Variants in LRP1B observed in about 807,000 individuals in gnomAD.
The protein encoded by LRP1B is LDL receptor related protein 1B.
Under a neutral mutation model 556.6 loss-of-function variants are expected in LRP1B, and 217 were observed. The ratio of observed to expected loss-of-function variants is 0.39; its 90% CI spans 0.35 to 0.44. The LOEUF (loss-of-function observed/expected upper bound fraction) is 0.44. Among genes scored for constraint, LRP1B ranks in the 20% least tolerant of loss-of-function variants. LRP1B has a pLI of 1.00. For synonymous variants in LRP1B, 2,047 were observed against 1,865.8 expected, an observed-to-expected ratio of 1.10 and a Z score of -2.50; for missense variants, 5,053 against 5,620.8, an observed-to-expected ratio of 0.90 and a Z score of 3.23.
chr2:140,656,255 T>G (rs1354699732), intron 41 of LRP1B, among the ~76,000 whole-genome samples: 3 of 152,172 alleles, frequency 2.0e-5, no homozygotes, highest in Non-Finnish European at 2.9e-5. Context: ...TATATAATAA[T>G]GAGACATAGA....
At chr2:140,812,731 C>T (rs1690972272) in intron 32 of LRP1B, among the ~76,000 whole-genome samples, 1 of 151,930 alleles carries the variant, frequency 6.6e-6, no homozygotes, top group Admixed American at 6.6e-5. Context: ...ATGGGCTTTT[C>T]ATAAATTGTA....
intron 40 of LRP1B, among the ~76,000 whole-genome samples, chr2:140,701,117 T>TCTTCACCAGTATAATTCTC (rs1686624141): frequency 6.6e-6 from 1 of 151,214 alleles, no homozygotes; most frequent in African/African-American, 2.4e-5. Flanking sequence ...ACTTAAAATT[T>TCTTCACCAGTATAATTCTC]CTTCACCAGT....
At chr2:142,012,089 GA>G (rs543886900) in intron 1 of LRP1B, among the ~76,000 whole-genome samples, 3 of 151,912 alleles carry the variant, frequency 2.0e-5, no homozygotes, top group Non-Finnish European at 4.4e-5. Flanking sequence ...GGCAAAAGAT[GA>G]AAAAAATGCC....
intron 3 of LRP1B, among the ~76,000 whole-genome samples, chr2:141,278,675 C>A (rs1390800203): frequency 6.6e-6 from 1 of 152,066 alleles, no homozygotes; most frequent in African/African-American, 2.4e-5. Context: ...AGCAAAGGGA[C>A]CCATGAGGCC....
chr2:141,152,986 T>TA (rs1230296560), intron 7 of LRP1B, among the ~76,000 whole-genome samples: 3 of 150,726 alleles, frequency 2.0e-5, no homozygotes, highest in African/African-American at 7.3e-5. Context: ...TTCTAGTTTT[T>TA]ACCCAAATCT....
chr2:141,083,934 A>G (rs1558848962), intron 7 of LRP1B, among the ~76,000 whole-genome samples: 1 of 152,238 alleles, frequency 6.6e-6, no homozygotes, highest in Non-Finnish European at 1.5e-5. Flanking sequence ...GCAACAGAAA[A>G]TGAACTAAGA....
chr2:142,058,937 AC>A (rs1329368703), intron 1 of LRP1B, among the ~76,000 whole-genome samples: 7 of 152,136 alleles, frequency 4.6e-5, no homozygotes, highest in Admixed American at 2.0e-4. Context: ...CACAAGTTCC[AC>A]ATTTGTAAAA....
chr2:140,993,064 A>C (rs1375265497), intron 16 of LRP1B, among the ~76,000 whole-genome samples: 4 of 152,082 alleles, frequency 2.6e-5, no homozygotes, highest in African/African-American at 9.7e-5. Context: ...GGATGCCCAG[A>C]CTAACTTTGC....
intron 2 of LRP1B, among the ~76,000 whole-genome samples, chr2:141,618,402 A>C (rs1388132535): frequency 6.6e-6 from 1 of 152,196 alleles, no homozygotes; most frequent in African/African-American, 2.4e-5. Flanking sequence ...AAGGTCAATC[A>C]TTTTTTATTA....
intron 1 of LRP1B, among the ~76,000 whole-genome samples, chr2:141,826,860 A>T (rs2105739066): frequency 6.6e-6 from 1 of 152,318 alleles, no homozygotes; most frequent in South Asian, 2.1e-4. Flanking sequence ...TTGCATCATT[A>T]CTTTTATCTC....
intron 3 of LRP1B, among the ~76,000 whole-genome samples, chr2:141,418,869 A>C (rs1279520129): frequency 6.6e-6 from 1 of 152,104 alleles, no homozygotes; most frequent in Non-Finnish European, 1.5e-5. Flanking sequence ...ATCCATGAAC[A>C]TAGGAGGTCT....
chr2:140,833,356 T>A (rs1691783832), intron 31 of LRP1B, among the ~76,000 whole-genome samples: 1 of 152,186 alleles, frequency 6.6e-6, no homozygotes, highest in Non-Finnish European at 1.5e-5. Context: ...TTCTTTACCA[T>A]TGTCACTTGG....
intron 41 of LRP1B, among the ~76,000 whole-genome samples, chr2:140,627,755 C>G (rs966143464): frequency 3.3e-5 from 5 of 152,130 alleles, no homozygotes; most frequent in African/African-American, 1.2e-4. Flanking sequence ...AAGAATATCT[C>G]CTGTCAACCA....
At chr2:140,400,402 G>A (rs1518447) in intron 66 of LRP1B, among the ~76,000 whole-genome samples, 13,891 of 152,096 alleles carry the variant, frequency 0.091, 752 homozygotes, top group Middle Eastern at 0.14. Flanking sequence ...CGTTCCTGTA[G>A]CAACATACCT....
In LRP1B at chr2:142,030,036, GAA is replaced by G. The variant is rs11362272; in HGVS notation, c.82+100610_82+100611del. Among the ~76,000 whole-genome samples the G allele has an allele frequency of 3.3e-3, 484 of 146,728 alleles. 1 individual carries two copies. The highest frequency in any genetic ancestry group is 8.1e-3 in the African/African-American group (327 of 40,340). On this transcript the variant is annotated intron_variant, in intron 1 of 90. Coordinates refer to ENST00000389484, the MANE Select transcript of LRP1B (RefSeq NM_018557.3). The stretch of plus-strand genomic sequence containing the variant: ...AATACTCATATTGTGTCCTTTTTAG[GAA>G]AAAAAAAAAAACTCTGCAAGTTGCT...
At chr2:140,794,768 T>C (rs1461512467) in intron 32 of LRP1B, among the ~76,000 whole-genome samples, 1 of 151,878 alleles carries the variant, frequency 6.6e-6, no homozygotes, top group Non-Finnish European at 1.5e-5. Context: ...CATGAGCCAC[T>C]ACGCCCAGCT....
chr2:141,122,542 A>G (rs1701086258), intron 7 of LRP1B, among the ~76,000 whole-genome samples: 1 of 152,130 alleles, frequency 6.6e-6, no homozygotes, highest in Admixed American at 6.5e-5. Flanking sequence ...AATCAAAACC[A>G]CAATGAGATA....
intron 1 of LRP1B, among the ~76,000 whole-genome samples, chr2:141,875,022 G>A (rs747067366): frequency 1.3e-5 from 2 of 151,606 alleles, no homozygotes; most frequent in African/African-American, 2.4e-5. Context: ...TCAAATATTT[G>A]AATAAACACC....
chr2:141,810,696 T>C (rs1253256227), intron 1 of LRP1B, among the ~76,000 whole-genome samples: 4 of 152,144 alleles, frequency 2.6e-5, no homozygotes, highest in Non-Finnish European at 4.4e-5. Flanking sequence ...AGATGGAATA[T>C]AGATATTCCA....
Sources: gnomAD v4.1 joint callset for allele counts (sites outside exome capture counted in the v4.1 genomes callset) on GRCh38, gnomAD v4.1.1 for gene constraint, MANE v1.5 for transcripts, NCBI Gene and HGNC (gene_info 2026-07-23, HGNC 2026-07-21) for gene names.